CLASP2: variants seen among roughly 807,000 people sequenced by gnomAD.
The protein encoded by CLASP2 is CLIP-associating protein 2.
In CLASP2, 47 loss-of-function variants were observed where a neutral mutation model predicts 194.4. That is an observed-to-expected ratio of 0.24 (90% CI 0.19 to 0.31). The LOEUF (loss-of-function observed/expected upper bound fraction) is 0.31. CLASP2 is among the 10% of genes least tolerant of loss of function. The probability of loss-of-function intolerance (pLI) is 1.00; values close to 1 mark genes in which losing one functional copy is unlikely to be tolerated. For synonymous variants in CLASP2, 619 were observed against 633.5 expected (o/e 0.98, Z 0.34); for missense variants, 1,445 against 1,823.6 (o/e 0.79, Z 3.78).
Position 33,632,283 on chromosome 3 carries a change from T to C in CLASP2, c.942+9A>G. 1 of 1,578,458 alleles carries C rather than the reference T, an allele frequency of 6.3e-7. No individual in the cohort carries two copies. Among genetic ancestry groups the C allele is most frequent in the Non-Finnish European group, 8.6e-7 (1 of 1,160,354 alleles). ...CAATATTCACGGGGAGTGCCACTGG[T>C]AGCCTTACCTGAATAGAAGGGACAT... On this transcript the variant is annotated intron_variant, in intron 9 of 38. Transcript: ENST00000682230.
intron 33 of CLASP2, among the ~76,000 whole-genome samples, chr3:33,537,561 T>G (rs2057587868): frequency 6.6e-6 from 1 of 152,220 alleles, no homozygotes; most frequent in Non-Finnish European, 1.5e-5. Flanking sequence ...AACTATTCTG[T>G]GTATAATGGC....
intron 9 of CLASP2, among the ~76,000 whole-genome samples, chr3:33,631,121 T>C (rs1275045443): frequency 6.6e-6 from 1 of 152,168 alleles, no homozygotes; most frequent in African/African-American, 2.4e-5. Flanking sequence ...TAGAAGGTAG[T>C]TTGCAAGTAA....
intron 1 of CLASP2, among the ~76,000 whole-genome samples, chr3:33,714,974 A>G (rs2125439572): frequency 6.6e-6 from 1 of 152,314 alleles, no homozygotes; most frequent in Middle Eastern, 3.4e-3. Flanking sequence ...CTGCCACCAC[A>G]TTTAGAATAA....
At chr3:33,688,089 T>A (rs1003980149) in intron 4 of CLASP2, among the ~76,000 whole-genome samples, 188 bp downstream of exon 4, 7 of 152,126 alleles carry the variant, frequency 4.6e-5, no homozygotes, top group African/African-American at 1.7e-4. Flanking sequence ...ATTACTGACA[T>A]AACTGAAAAA....
At chr3:33,579,839 C>T (rs1295990222) in intron 23 of CLASP2, among the ~76,000 whole-genome samples, 1 of 152,188 alleles carries the variant, frequency 6.6e-6, no homozygotes, top group Non-Finnish European at 1.5e-5. Context: ...GATATACATT[C>T]TTAAACCACC....
chr3:33,708,540 A>G (rs1312938537), intron 1 of CLASP2, among the ~76,000 whole-genome samples: 1 of 6,074 alleles, frequency 1.6e-4, no homozygotes, highest in Non-Finnish European at 3.6e-4. Flanking sequence ...ATATATGTAT[A>G]TATGTATATA....
intron 26 of CLASP2, among the ~76,000 whole-genome samples, chr3:33,567,147 C>CT (rs1162159338): frequency 6.6e-6 from 1 of 152,036 alleles, no homozygotes; most frequent in Non-Finnish European, 1.5e-5. Context: ...TTTCTTTTCT[C>CT]TTTTTTTTCC....
At chr3:33,592,619 C>T (rs544813347) in intron 20 of CLASP2, 123 bp from the exon 21 acceptor site, 99 of 786,512 alleles carry the variant, frequency 1.3e-4, no homozygotes, top group South Asian at 1.2e-3. Context: ...TCATCAATTA[C>T]GGGTTCTATT....
chr3:33,569,899 TGAG>T (rs939609673), intron 26 of CLASP2, among the ~76,000 whole-genome samples: 11 of 151,946 alleles, frequency 7.2e-5, no homozygotes, highest in South Asian at 4.1e-4. Context: ...TAGAAAAAAA[TGAG>T]GAGGAAATGA....
At position 33,685,342 on chromosome 3, in the gene CLASP2, C is replaced by CAA. The variant is rs56240569; in HGVS notation, c.547-888_547-887dup. ...GGGCAACAAGAGCGAAACTCCGTCT[C>CAA]AAAAAAAAAAAAAAAAAAAAAAAAA... On this transcript the variant is annotated intron_variant, in intron 5 of 38. Coordinates refer to ENST00000682230, the MANE Select transcript of CLASP2 (RefSeq NM_001365631.1). Among the ~76,000 whole-genome samples the CAA allele has an allele frequency of 9.4e-3, 450 of 48,098 alleles. 67 individuals carry two copies. In the East Asian group the frequency reaches 0.13, roughly 14 times the overall value. The allele number at this position is 48,098 out of a possible 152,430, so 31.6% of individuals were successfully genotyped here. A position where few individuals can be genotyped will look rare whatever the true frequency, so the allele number is the denominator to read the frequency against.
chr3:33,595,444 A>G (rs1210387936), intron 19 of CLASP2, among the ~76,000 whole-genome samples: 1 of 152,082 alleles, frequency 6.6e-6, no homozygotes, highest in Non-Finnish European at 1.5e-5. Flanking sequence ...TCACTTGCCC[A>G]TTTTTATCAA....
intron 18 of CLASP2, among the ~76,000 whole-genome samples, chr3:33,601,258 C>T (rs149424745): frequency 1.6e-4 from 25 of 152,248 alleles, no homozygotes; most frequent in Admixed American, 1.6e-3. Context: ...CCGTGCCCGG[C>T]GATAAGGCCC....
At chr3:33,517,315 AT>A in intron 34 of CLASP2, 141 bp from the exon 35 acceptor site, 1 of 650,808 alleles carries the variant, frequency 1.5e-6, no homozygotes, top group South Asian at 2.9e-5. Context: ...ACATTAAGTA[AT>A]CTTCTTTTCA....
At chr3:33,619,806 T>C in intron 11 of CLASP2, 68 bp from the exon 12 acceptor site, 1 of 1,246,154 alleles carries the variant, frequency 8.0e-7, no homozygotes, top group Non-Finnish European at 1.1e-6. Flanking sequence ...CATATAATTT[T>C]AAAATACTCT....
intron 1 of CLASP2, among the ~76,000 whole-genome samples, chr3:33,710,684 C>CAGTACT (rs2092958289): frequency 6.6e-6 from 1 of 152,228 alleles, no homozygotes; most frequent in African/African-American, 2.4e-5. Context: ...CCTGTAATCC[C>CAGTACT]AGTACTTTGG....
chr3:33,650,540 G>C (rs1473811280), intron 7 of CLASP2, among the ~76,000 whole-genome samples: 2 of 151,986 alleles, frequency 1.3e-5, no homozygotes, highest in East Asian at 3.9e-4. Flanking sequence ...ATATAATGGA[G>C]ATGGGAAAGA....
Position 33,644,835 on chromosome 3 carries a change from C to G in CLASP2, c.784G>C (p.Val262Leu), listed in dbSNP as rs1345643464. The G allele has an allele frequency of 6.2e-7, 1 of 1,612,108 alleles. No individual in the cohort carries two copies. Among genetic ancestry groups the G allele is most frequent in the Non-Finnish European group, 8.5e-7 (1 of 1,179,052 alleles). The change falls in exon 8 of 39, where the codon GTT becomes CTT. Residue 262 changes from valine (V) to leucine (L), a missense_variant. Physicochemically the swap from Val to Leu is conservative, Grantham distance 32. This residue lies in a region of CLASP2 where 332 missense variants were observed against 325.3 expected (regional missense o/e 1.02). Coordinates refer to ENST00000682230, the MANE Select transcript of CLASP2 (RefSeq NM_001365631.1). ...TTTCCGGATGTTTTAGGTGCAGGAA[C>G]CTTGAAGGCTGATGCAGCTGATGAT... ...RPSSAASAFKVPAPKTSGNPA... is the reference protein window; with the variant it reads ...RPSSAASAFKLPAPKTSGNPA...
At chr3:33,590,386 G>T (rs2068465969) in intron 21 of CLASP2, among the ~76,000 whole-genome samples, 1 of 152,116 alleles carries the variant, frequency 6.6e-6, no homozygotes, top group African/African-American at 2.4e-5. Context: ...TGATGATCTT[G>T]TTAAAGATTG....
At chr3:33,505,263 CAACAAA>C (rs748274453) in intron 37 of CLASP2, 1,978 of 151,180 alleles carry the variant, frequency 0.013, 46 homozygotes, top group African/African-American at 0.039. Context: ...ACAACAACAA[CAACAAA>C]ACATAACCAC....
Sources: allele counts gnomAD v4.1 joint callset (sites outside exome capture counted in the v4.1 genomes callset), GRCh38; gene constraint gnomAD v4.1.1; regional missense constraint gnomAD v4.1.1; transcripts MANE v1.5; gene names NCBI Gene and HGNC (gene_info 2026-07-23, HGNC 2026-07-21).